TBC1D2B: variants seen among roughly 807,000 people sequenced by gnomAD.
TBC1D2B encodes TBC1 domain family member 2B, also known as TBC1 domain family, member 2B.
Under a neutral mutation model 100.8 loss-of-function variants are expected in TBC1D2B, and 64 were observed. The ratio of observed to expected loss-of-function variants is 0.64; its 90% CI spans 0.52 to 0.78. TBC1D2B has a LOEUF of 0.78. Ranked by LOEUF, TBC1D2B falls within the 30% of genes least tolerant of loss-of-function variation. The pLI is 0.00. For synonymous variants in TBC1D2B, 480 were observed against 479.7 expected, an observed-to-expected ratio of 1.00 and a Z score of -0.01; for missense variants, 1,052 against 1,218.4, an observed-to-expected ratio of 0.86 and a Z score of 2.03.
Position 78,024,533 on chromosome 15 carries a change from C to T in TBC1D2B, c.1093G>A (p.Val365Ile), listed in dbSNP as rs2141695080. The T allele has an allele frequency of 6.2e-7, 1 of 1,607,948 alleles. No individual in the cohort carries two copies. Among genetic ancestry groups the T allele is most frequent in the Non-Finnish European group, 8.5e-7 (1 of 1,175,934 alleles). Residue 365 changes from valine (V) to isoleucine (I), a missense_variant, in exon 6 of 13, where the codon GTT becomes ATT. Val to Ile is a conservative substitution (Grantham distance 29). Transcript: ENST00000300584. ...CGGACTGTCTGCTGGAGCAGTCGAA[C>T]AAGCTCCTGGGAGCCAAAAGGAGAA... is the stretch of plus-strand genomic sequence containing the variant. Reference protein sequence around the residue: ...KKDLSSQKELVRLLQQTVRSS... With the variant: ...KKDLSSQKELIRLLQQTVRSS...
At chr15:78,061,451 T>C (rs1370547758) in intron 1 of TBC1D2B, among the ~76,000 whole-genome samples, 1 of 151,914 alleles carries the variant, frequency 6.6e-6, no homozygotes, top group African/African-American at 2.4e-5. Context: ...TGCATGCCTG[T>C]AGTCCCAGCT....
chr15:78,023,861 G>C (rs1248950791), intron 6 of TBC1D2B, among the ~76,000 whole-genome samples: 2 of 152,204 alleles, frequency 1.3e-5, no homozygotes, highest in African/African-American at 4.8e-5. Flanking sequence ...TATGATACAA[G>C]GGATAATGAA....
chr15:78,075,311 G>A (rs2073811533), intron 1 of TBC1D2B, among the ~76,000 whole-genome samples: 1 of 151,842 alleles, frequency 6.6e-6, no homozygotes, highest in African/African-American at 2.4e-5. Context: ...CCATTCTCCT[G>A]CCTCAGCCTC....
intron 10 of TBC1D2B, among the ~76,000 whole-genome samples, chr15:78,004,854 G>A (rs2072024121): frequency 6.6e-6 from 1 of 152,182 alleles, no homozygotes; most frequent in Admixed American, 6.5e-5. Context: ...CAATCTGTGT[G>A]TAGTTGAAAA....
intron 1 of TBC1D2B, among the ~76,000 whole-genome samples, chr15:78,073,948 G>A (rs1244210442): frequency 2.6e-5 from 4 of 151,106 alleles, no homozygotes; most frequent in East Asian, 2.0e-4. Flanking sequence ...CAGCCTGGGC[G>A]ACACAGCAAG....
intron 3 of TBC1D2B, among the ~76,000 whole-genome samples, chr15:78,042,804 C>A (rs939214984): frequency 1.3e-5 from 2 of 152,224 alleles, no homozygotes; most frequent in African/African-American, 4.8e-5. Flanking sequence ...AATGTCGTAT[C>A]GTTGAGAACC....
chr15:78,077,670 C>G lies in TBC1D2B; in HGVS notation c.-18G>C. On this transcript the variant is annotated 5_prime_UTR_variant, in exon 1 of 13. Coordinates refer to ENST00000300584, the MANE Select transcript of TBC1D2B (RefSeq NM_144572.2). ...CCCGGCATCGCTACCGCGCGCCAAC[C>G]GTAGGCGCCCGCGCCCTGCGCCTCC... The G allele has an allele frequency of 1.0e-6, 1 of 987,618 alleles. No individual in the cohort carries two copies. The highest frequency in any genetic ancestry group is 1.2e-6 in the Non-Finnish European group (1 of 832,260). The allele number at this position is 987,618 out of a possible 1,614,324, so 61.2% of individuals were successfully genotyped here.
At chr15:78,018,172 G>A (rs1409412528) in intron 6 of TBC1D2B, among the ~76,000 whole-genome samples, 2 of 152,182 alleles carry the variant, frequency 1.3e-5, no homozygotes, top group Non-Finnish European at 2.9e-5. Flanking sequence ...CTGCCGTAAC[G>A]GAGATGGAGA....
intron 10 of TBC1D2B, among the ~76,000 whole-genome samples, chr15:78,007,579 T>C (rs942898348): frequency 2.0e-5 from 3 of 152,010 alleles, no homozygotes; most frequent in Admixed American, 6.5e-5. Context: ...AAGGCAGAAA[T>C]GCGAATGCAA....
At chr15:78,042,633 T>A (rs1449607771) in intron 3 of TBC1D2B, among the ~76,000 whole-genome samples, 1 of 151,898 alleles carries the variant, frequency 6.6e-6, no homozygotes, top group Non-Finnish European at 1.5e-5. Flanking sequence ...CCCCTCCCCA[T>A]CCCCTGGGTG....
At chr15:78,005,948 G>A (rs980531744) in intron 10 of TBC1D2B, among the ~76,000 whole-genome samples, 2 of 152,032 alleles carry the variant, frequency 1.3e-5, no homozygotes, top group Admixed American at 6.5e-5. Context: ...AACTTTTATT[G>A]AGTTTTTACA....
intron 10 of TBC1D2B, among the ~76,000 whole-genome samples, chr15:78,003,995 C>T (rs1405221008): frequency 6.6e-6 from 1 of 152,196 alleles, no homozygotes; most frequent in Non-Finnish European, 1.5e-5. Context: ...GTCACATGAA[C>T]CTGAGTCTGA....
intron 3 of TBC1D2B, among the ~76,000 whole-genome samples, chr15:78,037,486 C>T (rs945932081): frequency 6.6e-6 from 1 of 152,244 alleles, no homozygotes; most frequent in Non-Finnish European, 1.5e-5. Flanking sequence ...TTGAACCGCA[C>T]CCTACAGCCC....
At chr15:78,012,272 AG>A (rs1279827208) in intron 9 of TBC1D2B, among the ~76,000 whole-genome samples, 2 of 152,212 alleles carry the variant, frequency 1.3e-5, no homozygotes, top group Non-Finnish European at 2.9e-5. Flanking sequence ...TGCACAGCTC[AG>A]GAGGATGAGC....
intron 4 of TBC1D2B, 28 bp from the exon 5 acceptor site, chr15:78,025,525 T>A: frequency 7.1e-7 from 1 of 1,416,196 alleles, no homozygotes; most frequent in South Asian, 1.4e-5. Flanking sequence ...TTGTATTTTA[T>A]TATTATTATT....
intron 2 of TBC1D2B, among the ~76,000 whole-genome samples, chr15:78,051,514 C>T (rs1332266752): frequency 2.0e-5 from 3 of 152,200 alleles, no homozygotes; most frequent in Non-Finnish European, 4.4e-5. Context: ...CTAAGATATA[C>T]AACTAGCTAT....
intron 1 of TBC1D2B, 23 bp from the exon 2 acceptor site, chr15:78,054,210 C>T (rs2073373405): frequency 1.2e-6 from 2 of 1,605,418 alleles, no homozygotes; most frequent in Admixed American, 1.7e-5. Flanking sequence ...AGGGGAAAAA[C>T]ATGTTATGGC....
In TBC1D2B at chr15:78,012,942, A is replaced by G. The variant is rs772789609; in HGVS notation, c.2151T>C (p.Thr717=). The G allele has an allele frequency of 6.4e-7, 1 of 1,560,416 alleles. No individual in the cohort carries two copies. The highest frequency in any genetic ancestry group is 8.7e-7 in the Non-Finnish European group (1 of 1,150,514). Residue 717 remains threonine, a synonymous_variant, in exon 9 of 13, where the codon ACT becomes ACC. Coordinates refer to ENST00000300584, the MANE Select transcript of TBC1D2B (RefSeq NM_144572.2). The stretch of plus-strand genomic sequence containing the variant: ...AGGAGTAATGTTTGTTGTTGGGCAG[A>G]GTTCGCAGCAAGTCCAGCTCAATCT... ...SKQIELDLLR[T]LPNNKHYSCP...
Position 78,077,698 on chromosome 15 carries a change from G to C in TBC1D2B, c.-46C>G. 5 of 984,000 alleles carry C rather than the reference G, an allele frequency of 5.1e-6. No homozygotes were observed. Among genetic ancestry groups the C allele is most frequent in the Non-Finnish European group, 6.0e-6 (5 of 829,838 alleles). The allele number at this position is 984,000 out of a possible 1,614,324, so 61.0% of individuals were successfully genotyped here. A position where few individuals can be genotyped will look rare whatever the true frequency, so the allele number is the denominator to read the frequency against. ...AGGCGCCCGCGCCCTGCGCCTCCGCGCCGCGGCCGCTGCGCCCCCTACCCC... is the reference window on the plus strand; with the variant it reads ...AGGCGCCCGCGCCCTGCGCCTCCGCCCCGCGGCCGCTGCGCCCCCTACCCC... On this transcript the variant is annotated 5_prime_UTR_variant, in exon 1 of 13. Coordinates refer to ENST00000300584, the MANE Select transcript of TBC1D2B (RefSeq NM_144572.2).
Sources: allele counts gnomAD v4.1 joint callset (sites outside exome capture counted in the v4.1 genomes callset), GRCh38; gene constraint gnomAD v4.1.1; transcripts MANE v1.5; gene names NCBI Gene and HGNC (gene_info 2026-07-23, HGNC 2026-07-21).